Variants in PAPPA2 observed in about 807,000 individuals in gnomAD.
The protein encoded by PAPPA2 is pappalysin 2.
A neutral mutation model predicts 176.4 loss-of-function variants in PAPPA2; 86 were observed. That is an observed-to-expected ratio of 0.49 (90% confidence interval 0.41 to 0.58). The LOEUF (loss-of-function observed/expected upper bound fraction) is 0.58, where lower values mean the gene tolerates loss of function less well. PAPPA2 is among the 20% of genes least tolerant of loss of function. The pLI is 0.00. For missense variants in PAPPA2, 2,073 were observed against 2,256.9 expected (o/e 0.92, Z 1.65); for synonymous variants, 809 against 852.2 (o/e 0.95, Z 0.88).
chr1:176,830,721 C>T (rs1378181087), intron 21 of PAPPA2, among the ~76,000 whole-genome samples: 1 of 152,190 alleles, frequency 6.6e-6, no homozygotes, highest in Non-Finnish European at 1.5e-5. Flanking sequence ...ATTACAAGAA[C>T]TCATGGGCCT....
chr1:176,593,804 G>A (rs575591807), intron 2 of PAPPA2, among the ~76,000 whole-genome samples: 5 of 152,304 alleles, frequency 3.3e-5, no homozygotes, highest in Admixed American at 6.5e-5. Context: ...TCCGTACTGC[G>A]GTGGGTGGTA....
Position 176,749,870 on chromosome 1 carries a change from A to G in PAPPA2, c.4151+9674A>G, listed in dbSNP as rs542244353. Among the ~76,000 whole-genome samples, 3 of 152,310 alleles carry G rather than the reference A, an allele frequency of 2.0e-5. No homozygotes were observed. The South Asian group carries it at 6.2e-4, about 32-fold the overall frequency. On this transcript the variant is annotated intron_variant, in intron 14 of 22. Transcript: ENST00000367662. ...AATGTACAACCGTTTATTTATCCATATACCTATTGAAGGACATCTTGGTTT... is the reference window on the plus strand; with the variant it reads ...AATGTACAACCGTTTATTTATCCATGTACCTATTGAAGGACATCTTGGTTT...
At chr1:176,683,399 T>C (rs903594342) in intron 4 of PAPPA2, among the ~76,000 whole-genome samples, 1 of 152,140 alleles carries the variant, frequency 6.6e-6, no homozygotes, top group Non-Finnish European at 1.5e-5. Context: ...CCCATTCATA[T>C]CGTTTTCCAT....
intron 14 of PAPPA2, among the ~76,000 whole-genome samples, chr1:176,764,112 A>T (rs1029953467): frequency 6.6e-6 from 1 of 152,194 alleles, no homozygotes; most frequent in East Asian, 1.9e-4. Context: ...TAATTCAGTC[A>T]CTACCACAAG....
intron 2 of PAPPA2, among the ~76,000 whole-genome samples, chr1:176,564,304 A>T (rs1323397614): frequency 6.6e-6 from 1 of 152,200 alleles, no homozygotes; most frequent in African/African-American, 2.4e-5. Context: ...AAGACAGCAG[A>T]CTTTTTCTGT....
intron 1 of PAPPA2, among the ~76,000 whole-genome samples, chr1:176,521,371 C>T (rs1649206911): frequency 6.6e-6 from 1 of 152,036 alleles, no homozygotes; most frequent in South Asian, 2.1e-4. Context: ...TGAGGAAGCC[C>T]AAGAAACCAC....
intron 3 of PAPPA2, among the ~76,000 whole-genome samples, chr1:176,650,066 TG>T (rs1459173712): frequency 5.9e-5 from 9 of 151,654 alleles, no homozygotes; most frequent in Non-Finnish European, 1.3e-4. Flanking sequence ...TTTATATAAT[TG>T]GGAGCTCCAG....
chr1:176,620,035 A>T (rs763259268), intron 3 of PAPPA2, among the ~76,000 whole-genome samples: 12 of 152,210 alleles, frequency 7.9e-5, no homozygotes, highest in Admixed American at 7.9e-4. Flanking sequence ...TTTATTTGTC[A>T]TAGTTCTAGA....
chr1:176,630,313 T>C (rs568243054), intron 3 of PAPPA2, among the ~76,000 whole-genome samples: 4 of 152,334 alleles, frequency 2.6e-5, no homozygotes, highest in African/African-American at 9.6e-5. Context: ...ATATATTATG[T>C]ACAACATATA....
intron 1 of PAPPA2, among the ~76,000 whole-genome samples, chr1:176,508,162 T>C (rs1397593048): frequency 2.0e-5 from 3 of 152,284 alleles, no homozygotes; most frequent in Non-Finnish European, 2.9e-5. Context: ...CAGAACAAAG[T>C]GTAGCACTCT....
chr1:176,840,445 G>T (rs1667445117), intron 22 of PAPPA2, among the ~76,000 whole-genome samples, 174 bp downstream of exon 22: 1 of 152,146 alleles, frequency 6.6e-6, no homozygotes, highest in Admixed American at 6.5e-5. Context: ...GGTAGCATAG[G>T]TTCTTAGACA....
chr1:176,567,533 T>C (rs189481245), intron 2 of PAPPA2, among the ~76,000 whole-genome samples: 19 of 152,334 alleles, frequency 1.2e-4, no homozygotes, highest in African/African-American at 4.1e-4. Flanking sequence ...AAAAGTAGTT[T>C]AGTTTTATTT....
At chr1:176,638,695 A>C (rs1656875728) in intron 3 of PAPPA2, among the ~76,000 whole-genome samples, 1 of 151,870 alleles carries the variant, frequency 6.6e-6, no homozygotes, top group African/African-American at 2.4e-5. Flanking sequence ...CCATGTGCCA[A>C]GTGCTATATT....
At chr1:176,469,330 C>T (rs544603453) in intron 1 of PAPPA2, among the ~76,000 whole-genome samples, 52 of 152,306 alleles carry the variant, frequency 3.4e-4, no homozygotes, top group Non-Finnish European at 6.2e-4. Flanking sequence ...TCTTCTCTCC[C>T]TCACCTTGCT....
At chr1:176,795,999 A>G (rs1357867861) in intron 20 of PAPPA2, among the ~76,000 whole-genome samples, 1 of 152,234 alleles carries the variant, frequency 6.6e-6, no homozygotes, top group Non-Finnish European at 1.5e-5. Context: ...AAACGAGAAG[A>G]TAATACACTG....
At position 176,695,768 on chromosome 1, in the gene PAPPA2, T is replaced by G; in HGVS notation, c.2655T>G (p.Thr885=). The part of the protein sequence containing the change: ...RASGSLCGAC[T]EDGTFRQYVH... ...CAGGCAGCTTGTGTGGCGCTTGCACTGAAGATGGGACCTTTCGTCAGTATG... is the reference window on the plus strand; with the variant it reads ...CAGGCAGCTTGTGTGGCGCTTGCACGGAAGATGGGACCTTTCGTCAGTATG... The change falls in exon 7 of 23, where the codon ACT becomes ACG. Residue 885 remains threonine, a synonymous_variant. Coordinates refer to ENST00000367662, the MANE Select transcript of PAPPA2 (RefSeq NM_020318.3). The G allele has an allele frequency of 6.2e-7, 1 of 1,614,100 alleles. No individual in the cohort carries two copies. The highest frequency in any genetic ancestry group is 1.1e-5 in the South Asian group (1 of 91,086).
chr1:176,748,980 A>G (rs2102884447), intron 14 of PAPPA2, among the ~76,000 whole-genome samples: 1 of 139,086 alleles, frequency 7.2e-6, no homozygotes, highest in African/African-American at 2.6e-5. Context: ...CACAAAAATT[A>G]AAAAGTTATG....
intron 1 of PAPPA2, among the ~76,000 whole-genome samples, chr1:176,471,188 C>T (rs1193488346): frequency 3.3e-5 from 5 of 152,094 alleles, no homozygotes; most frequent in Admixed American, 2.6e-4. Flanking sequence ...ACGGTGGATT[C>T]TGAGCTTGAC....
intron 1 of PAPPA2, among the ~76,000 whole-genome samples, chr1:176,467,545 CT>C (rs1368635679): frequency 6.6e-6 from 1 of 152,198 alleles, no homozygotes; most frequent in Non-Finnish European, 1.5e-5. Flanking sequence ...GGAAGAGAGT[CT>C]TGTCACCTCA....
Sources: allele counts gnomAD v4.1 joint callset (sites outside exome capture counted in the v4.1 genomes callset), GRCh38; gene constraint gnomAD v4.1.1; transcripts MANE v1.5; gene names NCBI Gene and HGNC (gene_info 2026-07-23, HGNC 2026-07-21).